The following ATP6V0E1 variants were observed in gnomAD, a reference collection of about 807,000 sequenced individuals.
The protein encoded by ATP6V0E1 is ATPase H+ transporting V0 subunit e1, also known as V-type proton ATPase subunit e 1.
ATP6V0E1 carries 4 observed loss-of-function variants against 11.6 expected under a neutral mutation model. That is an observed-to-expected ratio of 0.35 (90% CI 0.17 to 0.79). ATP6V0E1 has a LOEUF of 0.79. ATP6V0E1 is among the 30% of genes least tolerant of loss of function. The pLI, the probability that ATP6V0E1 is intolerant of heterozygous loss-of-function variation, is 0.54. For synonymous variants in ATP6V0E1, 36 were observed against 34.8 expected (o/e 1.04, Z -0.13); for missense variants, 105 against 100.0 (o/e 1.05, Z -0.21).
intron 3 of ATP6V0E1, among the ~76,000 whole-genome samples, chr5:173,024,661 G>C (rs1185213384): frequency 6.6e-6 from 1 of 151,986 alleles, no homozygotes; most frequent in African/African-American, 2.4e-5. Context: ...AATCACGATC[G>C]GAGTGCTAGG....
chr5:173,019,417 TG>T (rs1756448093), intron 2 of ATP6V0E1, among the ~76,000 whole-genome samples: 1 of 151,918 alleles, frequency 6.6e-6, no homozygotes, highest in Non-Finnish European at 1.5e-5. Context: ...GAGCTGGGCG[TG>T]GTGGCGGGCG....
At chr5:172,995,873 C>T (rs561573612) in intron 2 of ATP6V0E1, among the ~76,000 whole-genome samples, 16 of 152,276 alleles carry the variant, frequency 1.1e-4, no homozygotes, top group African/African-American at 3.1e-4. Context: ...TTAAGCCTCC[C>T]AAAGTGCTAG....
chr5:173,014,767 G>A (rs1038101610), intron 2 of ATP6V0E1, among the ~76,000 whole-genome samples: 30 of 101,962 alleles, frequency 2.9e-4, no homozygotes, highest in Non-Finnish European at 4.8e-4. Flanking sequence ...GTACAAACAT[G>A]TGGGGTACCC....
chr5:173,006,846 A>G (rs1360879527), intron 2 of ATP6V0E1, among the ~76,000 whole-genome samples: 1 of 152,014 alleles, frequency 6.6e-6, no homozygotes, highest in Admixed American at 6.6e-5. Context: ...TTATGGATAC[A>G]TTTGAGATGT....
At chr5:173,018,120 C>T (rs1756431353) in intron 2 of ATP6V0E1, among the ~76,000 whole-genome samples, 1 of 152,114 alleles carries the variant, frequency 6.6e-6, no homozygotes, top group African/African-American at 2.4e-5. Context: ...TTGAATCCCC[C>T]CAGATTTAAT....
At chr5:173,034,328 T>C (rs1756708208) in intron 3 of ATP6V0E1, 71 bp from the exon 4 acceptor site, 1 of 697,986 alleles carries the variant, frequency 1.4e-6, no homozygotes, top group African/African-American at 1.7e-5. Flanking sequence ...TGGTTAACTT[T>C]CTCGATGTTA....
chr5:173,001,634 G>T (rs979576161), intron 2 of ATP6V0E1, among the ~76,000 whole-genome samples: 3 of 151,990 alleles, frequency 2.0e-5, no homozygotes, highest in Non-Finnish European at 4.4e-5. Flanking sequence ...GCCTGTAATC[G>T]CAGCACTTTG....
At chr5:173,023,890 T>C (rs1343382446) in intron 3 of ATP6V0E1, among the ~76,000 whole-genome samples, 1 of 151,744 alleles carries the variant, frequency 6.6e-6, no homozygotes, top group East Asian at 1.9e-4. Context: ...CAGGATGATC[T>C]AATAGACTTG....
chr5:173,020,091 C>A, intron 2 of ATP6V0E1, 147 bp from the exon 3 acceptor site: 1 of 617,536 alleles, frequency 1.6e-6, no homozygotes, highest in Non-Finnish European at 2.9e-6. Flanking sequence ...ATCAGACATG[C>A]TGCTGTTAAC....
chr5:173,019,467 A>G (rs539482932), intron 2 of ATP6V0E1, among the ~76,000 whole-genome samples: 1 of 152,068 alleles, frequency 6.6e-6, no homozygotes, highest in Admixed American at 6.6e-5. Context: ...AGGCAGGAGA[A>G]TGGGTGAACT....
At position 173,035,338 on chromosome 5, in the gene ATP6V0E1, G is replaced by A. The variant is rs916297858; in HGVS notation, c.*976G>A. On this transcript the variant is annotated 3_prime_UTR_variant, in exon 4 of 4. Transcript: ENST00000519374. ...AAGTCAAGAGTGATTAAAAAGCCAGGGGCAGGAGACAGTAATTTTGTATTT... is the reference window on the plus strand; with the variant it reads ...AAGTCAAGAGTGATTAAAAAGCCAGAGGCAGGAGACAGTAATTTTGTATTT... 1 of 152,096 alleles carries A rather than the reference G, an allele frequency of 6.6e-6. No homozygotes were observed. The highest frequency in any genetic ancestry group is 1.5e-5 in the Non-Finnish European group (1 of 68,022). The allele number at this position is 152,096 out of a possible 1,614,324, so 9.4% of individuals were successfully genotyped here.
At chr5:173,017,856 A>AAAG (rs758850732) in intron 2 of ATP6V0E1, among the ~76,000 whole-genome samples, 3,226 of 145,696 alleles carry the variant, frequency 0.022, 53 homozygotes, top group South Asian at 0.05. Flanking sequence ...AAAAAAAAAA[A>AAAG]AAAAGAAAAG....
chr5:172,993,359 A>T (rs939543766), intron 1 of ATP6V0E1, among the ~76,000 whole-genome samples: 5 of 151,538 alleles, frequency 3.3e-5, no homozygotes, highest in African/African-American at 1.2e-4. Flanking sequence ...AAATACAAAA[A>T]TTAGCCGGGC....
At chr5:172,992,792 TTTTG>T (rs1756006368) in intron 1 of ATP6V0E1, among the ~76,000 whole-genome samples, 1 of 152,072 alleles carries the variant, frequency 6.6e-6, no homozygotes, top group African/African-American at 2.4e-5. Flanking sequence ...CAGTGGTTTT[TTTTG>T]TTTATTTATT....
rs1756711365 is a variant in ATP6V0E1, at chr5:173,034,559, T to C, written c.*197T>C. The C allele has an allele frequency of 3.0e-6, 2 of 673,000 alleles. No individual in the cohort carries two copies. The highest frequency in any genetic ancestry group is 5.5e-6 in the Non-Finnish European group (2 of 364,256). 41.7% of individuals were successfully genotyped at this position (673,000 alleles called of 1,614,324 possible). A position where few individuals can be genotyped will look rare whatever the true frequency, so the allele number is the denominator to read the frequency against. On this transcript the variant is annotated 3_prime_UTR_variant, in exon 4 of 4. Transcript: ENST00000519374. ...GTTTTCCTTTGCCTTTTTTGCACTTTGGTGAATTACGTGCCTCCATAACCT... is the reference window on the plus strand; with the variant it reads ...GTTTTCCTTTGCCTTTTTTGCACTTCGGTGAATTACGTGCCTCCATAACCT...
intron 2 of ATP6V0E1, among the ~76,000 whole-genome samples, chr5:173,012,668 C>G (rs773379687): frequency 2.0e-5 from 3 of 151,566 alleles, no homozygotes; most frequent in African/African-American, 4.8e-5. Flanking sequence ...GCAGGAGAAT[C>G]GCTTGAACCT....
rs1019936248 is a variant in ATP6V0E1, at chr5:172,984,966, G to C, written c.104+1002G>C. Among the ~76,000 whole-genome samples, 3 of 152,252 alleles carry C rather than the reference G, an allele frequency of 2.0e-5. No individual in the cohort carries two copies. The East Asian group carries it at 5.8e-4, about 29-fold the overall frequency. ...CTTTATTAAAAGAAAAAGATTTTTG[G>C]CCAGGTGCCGTGGCTCACGCCTGTA... is the stretch of plus-strand genomic sequence containing the variant. On this transcript the variant is annotated intron_variant, in intron 1 of 3. Coordinates refer to ENST00000519374, the MANE Select transcript of ATP6V0E1 (RefSeq NM_003945.4).
chr5:172,986,775 GTTTTTGTTTGTT>G (rs1366569191), intron 1 of ATP6V0E1: 7 of 421,202 alleles, frequency 1.7e-5, no homozygotes, highest in Non-Finnish European at 3.2e-5. Context: ...GTTTTTTGTT[GTTTTTGTTTGTT>G]TGTTTGTTTG....
At chr5:173,031,461 A>C (rs1300431107) in intron 3 of ATP6V0E1, among the ~76,000 whole-genome samples, 1 of 140,058 alleles carries the variant, frequency 7.1e-6, no homozygotes, top group Non-Finnish European at 1.5e-5. Context: ...GAGAACATGG[A>C]CCCTTTGATT....
Sources: allele counts gnomAD v4.1 joint callset (sites outside exome capture counted in the v4.1 genomes callset), GRCh38; gene constraint gnomAD v4.1.1; transcripts MANE v1.5; gene names NCBI Gene and HGNC (gene_info 2026-07-23, HGNC 2026-07-21).